NAALADL2: variants seen among roughly 807,000 people sequenced by gnomAD.
The protein encoded by NAALADL2 is N-acetylated alpha-linked acidic dipeptidase like 2.
Under a neutral mutation model 87.2 loss-of-function variants are expected in NAALADL2, and 76 were observed. That is an observed-to-expected ratio of 0.87 (90% CI 0.72 to 1.05). The LOEUF (loss-of-function observed/expected upper bound fraction) is 1.05. NAALADL2 is among the 50% of genes least tolerant of loss of function. The probability of loss-of-function intolerance (pLI) is 0.00; values close to 1 mark genes in which losing one functional copy is unlikely to be tolerated. For synonymous variants in NAALADL2, 354 were observed against 331.0 expected, an observed-to-expected ratio of 1.07 and a Z score of -0.75; for missense variants, 1,089 against 945.8, an observed-to-expected ratio of 1.15 and a Z score of -1.99.
At chr3:174,759,999 C>T (rs933064026) in intron 3 of NAALADL2, among the ~76,000 whole-genome samples, 2 of 152,142 alleles carry the variant, frequency 1.3e-5, no homozygotes, top group African/African-American at 2.4e-5. Context: ...GTGCTCGGCC[C>T]ACAAATCACT....
At chr3:175,368,437 G>C (rs1297281542) in intron 5 of NAALADL2, among the ~76,000 whole-genome samples, 1 of 152,228 alleles carries the variant, frequency 6.6e-6, no homozygotes, top group East Asian at 1.9e-4. Context: ...AATGGTACCA[G>C]TTCCTCCTTG....
At chr3:174,498,976 T>TGA (rs992483426) in intron 1 of NAALADL2, among the ~76,000 whole-genome samples, 5 of 152,008 alleles carry the variant, frequency 3.3e-5, no homozygotes, top group African/African-American at 1.2e-4. Context: ...TAAGTTATTC[T>TGA]GAGAGAGAGA....
chr3:175,265,148 G>T (rs1484213808), intron 4 of NAALADL2, among the ~76,000 whole-genome samples: 4 of 151,596 alleles, frequency 2.6e-5, no homozygotes, highest in Non-Finnish European at 5.9e-5. Flanking sequence ...GACTCAAAAT[G>T]TAAGTTTTGT....
Position 175,805,505 on chromosome 3 carries a change from T to C in NAALADL2, c.*2302T>C, listed in dbSNP as rs566880542. 8 of 152,000 alleles carry C rather than the reference T, an allele frequency of 5.3e-5. No homozygotes were observed. The highest frequency in any genetic ancestry group is 1.9e-4 in the African/African-American group (8 of 41,524). 9.4% of individuals were successfully genotyped at this position (152,000 alleles called of 1,614,324 possible). On this transcript the variant is annotated 3_prime_UTR_variant, in exon 14 of 14. Coordinates refer to ENST00000454872, the MANE Select transcript of NAALADL2 (RefSeq NM_207015.3). ...TTCTGTACATGCTGCTTTACATCTT[T>C]GCAACAAACCTCTTAACTAGCAGCA...
At chr3:175,737,901 G>A (rs1281478023) in intron 12 of NAALADL2, among the ~76,000 whole-genome samples, 1 of 151,594 alleles carries the variant, frequency 6.6e-6, no homozygotes, top group Non-Finnish European at 1.5e-5. Flanking sequence ...AATTATTTCT[G>A]AGTCTCTATT....
intron 1 of NAALADL2, among the ~76,000 whole-genome samples, chr3:174,995,339 C>G (rs1431528786): frequency 1.3e-5 from 2 of 152,062 alleles, no homozygotes; most frequent in African/African-American, 4.8e-5. Context: ...ATGTCATAAA[C>G]CCATTTATTT....
chr3:174,568,132 A>G (rs1463815469), intron 2 of NAALADL2, among the ~76,000 whole-genome samples: 1 of 151,656 alleles, frequency 6.6e-6, no homozygotes, highest in Non-Finnish European at 1.5e-5. Flanking sequence ...AAACAAATAG[A>G]TTTGTTTGGA....
intron 9 of NAALADL2, among the ~76,000 whole-genome samples, chr3:175,565,626 A>C (rs748501342): frequency 5.9e-5 from 4 of 68,240 alleles, no homozygotes; most frequent in Non-Finnish European, 1.0e-4. Flanking sequence ...GTTTTTCCCT[A>C]ATAAAGTGGC....
intron 4 of NAALADL2, among the ~76,000 whole-genome samples, chr3:175,262,241 CTT>C: frequency 2.0e-5 from 3 of 152,062 alleles, no homozygotes; most frequent in Admixed American, 2.0e-4. Flanking sequence ...ATTTTGATAA[CTT>C]ATTTTACATG....
intron 2 of NAALADL2, among the ~76,000 whole-genome samples, chr3:174,641,596 T>C (rs575618756): frequency 5.1e-4 from 78 of 152,278 alleles, no homozygotes; most frequent in Non-Finnish European, 3.5e-4. Flanking sequence ...AATGTACCTG[T>C]CCCTGGTAAA....
In NAALADL2 at chr3:174,827,118, A is replaced by G. The variant is rs1722083202; in HGVS notation, c.-9+89372A>G. Among the ~76,000 whole-genome samples, 3 of 152,138 alleles carry G rather than the reference A, an allele frequency of 2.0e-5. No individual in the cohort carries two copies. In the South Asian group the frequency reaches 6.2e-4, roughly 32 times the overall value. On this transcript the variant is annotated intron_variant, in intron 3 of 3. Transcript: ENST00000434257. Reference sequence around the variant, plus strand: ...GATGAAAATCCTGGAAGATATCATGACTTTTCTTCTCACTCACTTTTTTTT... The same window carrying G: ...GATGAAAATCCTGGAAGATATCATGGCTTTTCTTCTCACTCACTTTTTTTT...
intron 5 of NAALADL2, among the ~76,000 whole-genome samples, chr3:175,423,110 T>G (rs1167940504): frequency 2.7e-5 from 4 of 146,064 alleles, no homozygotes; most frequent in Non-Finnish European, 3.0e-5. Context: ...TTTAAAAAGA[T>G]TTGCATGCAT....
At chr3:174,650,536 G>T (rs934074301) in intron 2 of NAALADL2, among the ~76,000 whole-genome samples, 6 of 152,060 alleles carry the variant, frequency 3.9e-5, no homozygotes, top group African/African-American at 1.4e-4. Context: ...ACACATTAGT[G>T]AAAAACAAGT....
At chr3:175,797,793 C>T (rs144683548) in intron 13 of NAALADL2, among the ~76,000 whole-genome samples, 1 of 152,028 alleles carries the variant, frequency 6.6e-6, no homozygotes, top group Non-Finnish European at 1.5e-5. Context: ...TAGAAGCTTC[C>T]ATAAGAGTAT....
intron 1 of NAALADL2, among the ~76,000 whole-genome samples, chr3:174,996,056 G>T (rs1385149211): frequency 6.6e-6 from 1 of 152,084 alleles, no homozygotes; most frequent in Non-Finnish European, 1.5e-5. Flanking sequence ...TCGAGTTAAG[G>T]TCTACTGAAT....
At position 175,202,005 on chromosome 3, in the gene NAALADL2, C is replaced by T. The variant is rs969122617; in HGVS notation, c.546-31926C>T. 5.9e-5 allele frequency among the ~76,000 whole-genome samples: 9 copies of T among 152,030 alleles called. 1 individual carries two copies. The highest frequency in any genetic ancestry group is 2.6e-4 in the Admixed American group (4 of 15,260). On this transcript the variant is annotated intron_variant, in intron 2 of 13. Coordinates refer to ENST00000454872, the MANE Select transcript of NAALADL2 (RefSeq NM_207015.3). ...GTTTTAAGCACTTTACAAATATTTA[C>T]TCATTCAGTCCACATCACAGCTCTA...
At chr3:175,508,851 C>T (rs1056099197) in intron 9 of NAALADL2, among the ~76,000 whole-genome samples, 31 of 152,130 alleles carry the variant, frequency 2.0e-4, no homozygotes, top group African/African-American at 7.5e-4. Context: ...CGCGATGGCT[C>T]ATGCCTGTAA....
At chr3:174,796,603 C>T (rs1011991965) in intron 3 of NAALADL2, among the ~76,000 whole-genome samples, 1 of 151,452 alleles carries the variant, frequency 6.6e-6, no homozygotes, top group Non-Finnish European at 1.5e-5. Flanking sequence ...ATGTATATCA[C>T]ATTTTGAATC....
intron 1 of NAALADL2, among the ~76,000 whole-genome samples, chr3:174,492,810 G>C (rs1718287914): frequency 6.6e-6 from 1 of 152,176 alleles, no homozygotes; most frequent in African/African-American, 2.4e-5. Context: ...ATTGCAGAGG[G>C]AGTCAGTCTG....
Sources: gnomAD v4.1 joint callset for allele counts (sites outside exome capture counted in the v4.1 genomes callset) on GRCh38, gnomAD v4.1.1 for gene constraint, MANE v1.5 for transcripts, NCBI Gene and HGNC (gene_info 2026-07-23, HGNC 2026-07-21) for gene names.